DYNC1I1: variants seen among roughly 807,000 people sequenced by gnomAD.
DYNC1I1 encodes dynein cytoplasmic 1 intermediate chain 1.
A neutral mutation model predicts 86.6 loss-of-function variants in DYNC1I1; 43 were observed. The ratio of observed to expected loss-of-function variants is 0.50; its 90% CI spans 0.39 to 0.64. The LOEUF is 0.64. Among genes scored for constraint, DYNC1I1 ranks in the 30% least tolerant of loss-of-function variants. The pLI is 0.00. For synonymous variants in DYNC1I1, 262 were observed against 283.7 expected (o/e 0.92, Z 0.77); for missense variants, 604 against 788.8 (o/e 0.77, Z 2.81).
At chr7:95,853,679 G>A (rs914974623) in intron 5 of DYNC1I1, among the ~76,000 whole-genome samples, 3 of 152,120 alleles carry the variant, frequency 2.0e-5, no homozygotes. Flanking sequence ...GGTCTATTTG[G>A]TCTATTGTGT....
chr7:95,958,094 A>G lies in DYNC1I1; in HGVS notation c.491-19418A>G, dbSNP rs532571506. Among the ~76,000 whole-genome samples the G allele has an allele frequency of 1.1e-4, 16 of 152,254 alleles. No homozygotes were observed. In the South Asian group the frequency reaches 3.1e-3, roughly 30 times the overall value. The stretch of plus-strand genomic sequence containing the variant: ...TTAGCAGCATCTCTGGCCTCTACCC[A>G]TGAGATACCAGTAGCAACCACCTAC... On this transcript the variant is annotated intron_variant, in intron 6 of 16. Coordinates refer to ENST00000447467, the MANE Select transcript of DYNC1I1 (RefSeq NM_001135556.2).
At chr7:96,042,394 T>G (rs1470446773) in intron 14 of DYNC1I1, among the ~76,000 whole-genome samples, 1 of 152,202 alleles carries the variant, frequency 6.6e-6, no homozygotes, top group Non-Finnish European at 1.5e-5. Context: ...CTGGGAACGG[T>G]GACCAATTCA....
intron 6 of DYNC1I1, among the ~76,000 whole-genome samples, chr7:95,905,452 T>G (rs1791150636): frequency 6.6e-6 from 1 of 152,188 alleles, no homozygotes; most frequent in Non-Finnish European, 1.5e-5. Context: ...AGACTCATAT[T>G]TTCTGCACCC....
chr7:96,023,974 T>G (rs1794616479), intron 10 of DYNC1I1, among the ~76,000 whole-genome samples: 1 of 152,180 alleles, frequency 6.6e-6, no homozygotes, highest in Admixed American at 6.5e-5. Flanking sequence ...GCTTGCCCTC[T>G]TAGAAATTGT....
chr7:95,885,252 C>T (rs1790563423), intron 6 of DYNC1I1, among the ~76,000 whole-genome samples: 1 of 152,066 alleles, frequency 6.6e-6, no homozygotes, highest in East Asian at 1.9e-4. Context: ...ACTGCAACTT[C>T]CACCTCCCAG....
At position 95,855,951 on chromosome 7, in the gene DYNC1I1, T is replaced by G. The variant is rs1301458795; in HGVS notation, c.375-13932T>G. ...GACTTTATAAATACTACACTTAGGC[T>G]GTACTAAATTTATAATTTTTTCCTT... On this transcript the variant is annotated intron_variant, in intron 5 of 16. Coordinates refer to ENST00000447467, the MANE Select transcript of DYNC1I1 (RefSeq NM_001135556.2). Among the ~76,000 whole-genome samples, 5 of 152,232 alleles carry G rather than the reference T, an allele frequency of 3.3e-5. No individual in the cohort carries two copies. The East Asian group carries it at 9.6e-4, about 29-fold the overall frequency.
chr7:96,064,741 C>G (rs557038263), intron 14 of DYNC1I1, among the ~76,000 whole-genome samples: 1 of 152,268 alleles, frequency 6.6e-6, no homozygotes, highest in East Asian at 1.9e-4. Context: ...GCTGAAGGCT[C>G]TGTTCACAGG....
intron 5 of DYNC1I1, 133 bp from the exon 6 acceptor site, chr7:95,869,750 A>T: frequency 1.1e-6 from 1 of 870,814 alleles, no homozygotes; most frequent in Non-Finnish European, 1.8e-6. Context: ...GTTCTGCTTC[A>T]TGACCCTGCC....
At chr7:95,810,798 A>C (rs1794813350) in intron 3 of DYNC1I1, among the ~76,000 whole-genome samples, 1 of 152,094 alleles carries the variant, frequency 6.6e-6, no homozygotes. Flanking sequence ...ATGAGTTGCC[A>C]CTTGGTAAAT....
chr7:96,021,761 A>C (rs1794556830), intron 10 of DYNC1I1, among the ~76,000 whole-genome samples: 2 of 152,198 alleles, frequency 1.3e-5, no homozygotes, highest in South Asian at 4.1e-4. Context: ...GGAATCATAC[A>C]ATAAGTGGCC....
intron 5 of DYNC1I1, among the ~76,000 whole-genome samples, chr7:95,846,627 CTG>C (rs1236489557): frequency 5.9e-5 from 8 of 136,484 alleles, no homozygotes; most frequent in African/African-American, 2.2e-4. Context: ...ATCTCTCTCT[CTG>C]TGTGTGTGTG....
chr7:96,094,487 A>G (rs1050247488), intron 16 of DYNC1I1, among the ~76,000 whole-genome samples: 1 of 152,196 alleles, frequency 6.6e-6, no homozygotes, highest in African/African-American at 2.4e-5. Context: ...GTCCAAACAG[A>G]TGCCATTTAC....
At chr7:96,096,442 A>C (rs1209969494) in intron 16 of DYNC1I1, among the ~76,000 whole-genome samples, 1 of 152,192 alleles carries the variant, frequency 6.6e-6, no homozygotes, top group Non-Finnish European at 1.5e-5. Context: ...TAAAACTCCA[A>C]GAAAATGCGT....
chr7:95,822,777 C>G (rs528337305), intron 4 of DYNC1I1, among the ~76,000 whole-genome samples: 12 of 152,240 alleles, frequency 7.9e-5, no homozygotes, highest in Non-Finnish European at 1.8e-4. Context: ...AGCAAACAAA[C>G]AACACCAGGA....
chr7:95,803,188 T>C (rs927335163), intron 1 of DYNC1I1, among the ~76,000 whole-genome samples: 1 of 152,144 alleles, frequency 6.6e-6, no homozygotes, highest in Non-Finnish European at 1.5e-5. Flanking sequence ...TGTACTTGGA[T>C]TGATATGATT....
At chr7:95,804,859 G>A in intron 2 of DYNC1I1, 22 bp downstream of exon 2, 5 of 1,536,738 alleles carry the variant, frequency 3.3e-6, no homozygotes, top group Non-Finnish European at 4.4e-6. Context: ...GTGTTGGGGT[G>A]TTGTGGGGGA....
intron 6 of DYNC1I1, among the ~76,000 whole-genome samples, chr7:95,906,207 G>A (rs971521632): frequency 3.3e-5 from 5 of 152,094 alleles, no homozygotes; most frequent in African/African-American, 1.2e-4. Context: ...AATATAGCAT[G>A]GACTGTTGTG....
chr7:95,867,602 G>A (rs764070861), intron 5 of DYNC1I1, among the ~76,000 whole-genome samples: 3 of 152,180 alleles, frequency 2.0e-5, no homozygotes, highest in Non-Finnish European at 4.4e-5. Context: ...GGTCCCAAAC[G>A]AGATAGGGCT....
intron 5 of DYNC1I1, among the ~76,000 whole-genome samples, chr7:95,841,008 A>G (rs905022155): frequency 6.6e-5 from 10 of 152,250 alleles, no homozygotes; most frequent in African/African-American, 2.2e-4. Flanking sequence ...GCACTGAGCC[A>G]GGAAGAGGAA....
Sources: allele counts gnomAD v4.1 joint callset (sites outside exome capture counted in the v4.1 genomes callset), GRCh38; gene constraint gnomAD v4.1.1; transcripts MANE v1.5; gene names NCBI Gene and HGNC (gene_info 2026-07-23, HGNC 2026-07-21).